The following COL22A1 variants were observed in gnomAD, a reference collection of about 807,000 sequenced individuals.
COL22A1 encodes the protein collagen alpha-1(XXII) chain.
COL22A1 carries 221 observed loss-of-function variants against 248.9 expected under a neutral mutation model. The observed-to-expected ratio is 0.89, with a 90% CI of 0.80 to 0.99. COL22A1 has a LOEUF of 0.99. COL22A1 is among the 50% of genes least tolerant of loss of function. The pLI is 0.00. For synonymous variants in COL22A1, 891 were observed against 793.4 expected (o/e 1.12, Z -2.07); for missense variants, 2,240 against 2,179.0 (o/e 1.03, Z -0.56).
At chr8:138,650,510 C>T (rs938877145) in intron 45 of COL22A1, among the ~76,000 whole-genome samples, 10 of 152,116 alleles carry the variant, frequency 6.6e-5, no homozygotes, top group African/African-American at 2.4e-4. Context: ...AAATAAAACT[C>T]ACCTAACTGT....
At chr8:138,749,764 C>T (rs891090211) in intron 22 of COL22A1, among the ~76,000 whole-genome samples, 8 of 152,198 alleles carry the variant, frequency 5.3e-5, no homozygotes, top group Admixed American at 3.9e-4. Context: ...TTCTGAAGCC[C>T]AGGATCCTTC....
chr8:138,673,465 T>A (rs916954068), intron 41 of COL22A1, among the ~76,000 whole-genome samples: 26 of 152,204 alleles, frequency 1.7e-4, no homozygotes, highest in African/African-American at 6.3e-4. Flanking sequence ...TGCCGCAGCC[T>A]CCCAAAGTGC....
chr8:138,685,576 G>A (rs1826285214), intron 37 of COL22A1, among the ~76,000 whole-genome samples: 1 of 152,136 alleles, frequency 6.6e-6, no homozygotes, highest in Admixed American at 6.5e-5. Context: ...GGTCATACTG[G>A]AGTGTGACCC....
intron 30 of COL22A1, among the ~76,000 whole-genome samples, chr8:138,713,058 C>A (rs944770840): frequency 3.3e-5 from 5 of 152,178 alleles, no homozygotes; most frequent in African/African-American, 4.8e-5. Context: ...GTTGAAAGCA[C>A]GTATTTTAGA....
rs11284610 is a variant in COL22A1 at position 138,796,389 on chromosome 8, C to CTTTTTTTTTTTTTTTTTTTTTTTTTTTTT, written c.1596+401_1596+429dup. On this transcript the variant is annotated intron_variant, in intron 12 of 64. Coordinates refer to ENST00000303045, the MANE Select transcript of COL22A1 (RefSeq NM_152888.3). ...TTTTTTTCTCTTGCTTGCTACTTTC[C>CTTTTTTTTTTTTTTTTTTTTTTTTTTTTT]TTTTTTTTTTTTTTTTTTTTTTTTT... Among the ~76,000 whole-genome samples the CTTTTTTTTTTTTTTTTTTTTTTTTTTTTT allele has an allele frequency of 1.5e-4, 4 of 26,308 alleles. 1 individual carries two copies. Among genetic ancestry groups the CTTTTTTTTTTTTTTTTTTTTTTTTTTTTT allele is most frequent in the Non-Finnish European group, 2.5e-4 (3 of 11,874 alleles). 17.3% of individuals were successfully genotyped at this position (26,308 alleles called of 152,430 possible).
At chr8:138,619,637 CT>C (rs1170830621) in intron 52 of COL22A1, 129 bp from the exon 53 acceptor site, 1 of 817,964 alleles carries the variant, frequency 1.2e-6, no homozygotes, top group African/African-American at 1.7e-5. Flanking sequence ...GCCCTTTCCC[CT>C]GGTGTCTTGG....
At chr8:138,617,021 G>A (rs779233266) in intron 53 of COL22A1, 63 bp from the exon 54 acceptor site, 7 of 1,577,618 alleles carry the variant, frequency 4.4e-6, no homozygotes, top group South Asian at 1.1e-5. Flanking sequence ...AAGTGGGCAG[G>A]CATACCTCCC....
At chr8:138,898,425 C>A (rs1334598754) in intron 1 of COL22A1, among the ~76,000 whole-genome samples, 1 of 145,812 alleles carries the variant, frequency 6.9e-6, no homozygotes, top group Non-Finnish European at 1.5e-5. Context: ...CGCCACCACT[C>A]CCCAAAAAAT....
chr8:138,619,579 G>A (rs140779142), intron 52 of COL22A1, 71 bp from the exon 53 acceptor site: 4 of 1,435,304 alleles, frequency 2.8e-6, no homozygotes, highest in South Asian at 1.1e-5. Context: ...GGCTCTCTGT[G>A]TTTCCTACCA....
chr8:138,623,922 C>A, intron 51 of COL22A1, 137 bp from the exon 52 acceptor site: 3 of 666,096 alleles, frequency 4.5e-6, no homozygotes, highest in South Asian at 1.9e-5. Flanking sequence ...AGTGTCTCAA[C>A]GGACAGAATT....
chr8:138,671,802 A>G (rs373918909), intron 41 of COL22A1, among the ~76,000 whole-genome samples: 62 of 152,338 alleles, frequency 4.1e-4, no homozygotes, highest in African/African-American at 1.5e-3. Flanking sequence ...AGCAAACAAC[A>G]CAAACTTACG....
At chr8:138,687,710 T>C (rs892377082) in intron 37 of COL22A1, among the ~76,000 whole-genome samples, 29 of 152,222 alleles carry the variant, frequency 1.9e-4, no homozygotes, top group African/African-American at 6.3e-4. Flanking sequence ...CTATGATCAA[T>C]GCGGCATCAC....
intron 3 of COL22A1, among the ~76,000 whole-genome samples, chr8:138,864,676 G>A (rs532856062): frequency 3.3e-5 from 5 of 152,264 alleles, no homozygotes; most frequent in Admixed American, 6.5e-5. Flanking sequence ...GGTTAGGGCC[G>A]ATCGGAGTGC....
intron 11 of COL22A1, among the ~76,000 whole-genome samples, chr8:138,800,561 G>A (rs924373773): frequency 2.6e-4 from 40 of 152,198 alleles, no homozygotes; most frequent in Non-Finnish European, 2.9e-5. Context: ...AAGCTAGTAG[G>A]TTGTGGAACC....
At chr8:138,729,074 T>G (rs899949452) in intron 23 of COL22A1, among the ~76,000 whole-genome samples, 3 of 152,134 alleles carry the variant, frequency 2.0e-5, no homozygotes, top group South Asian at 2.1e-4. Context: ...CCACCTGTGT[T>G]TCATACACCA....
At chr8:138,724,824 T>C (rs1830176126) in intron 24 of COL22A1, among the ~76,000 whole-genome samples, 156 bp from the exon 25 acceptor site, 2 of 152,238 alleles carry the variant, frequency 1.3e-5, no homozygotes, top group South Asian at 4.1e-4. Context: ...AACGCGGAGT[T>C]GTTGCACCTC....
At chr8:138,663,275 C>T (rs559572280) in intron 42 of COL22A1, among the ~76,000 whole-genome samples, 8 of 152,300 alleles carry the variant, frequency 5.3e-5, no homozygotes, top group African/African-American at 1.9e-4. Flanking sequence ...TGAAGTCAGT[C>T]CACCAGGTCT....
At position 138,685,258 on chromosome 8, in the gene COL22A1, C is replaced by A; in HGVS notation, c.2917G>T (p.Gly973Cys). The change falls in exon 38 of 65, where the codon GGT becomes TGT. Residue 973 changes from glycine (G) to cysteine (C), a missense_variant. Physicochemically the swap from Gly to Cys is radical, Grantham distance 159. Coordinates refer to ENST00000303045, the MANE Select transcript of COL22A1 (RefSeq NM_152888.3). The stretch of plus-strand genomic sequence containing the variant: ...GGTGGCCCAGGGAGCCCAGGAGCAC[C>A]AGGATCTCCCCTGGGACCAACTGGC... ...PGPVGPRGDP[G>C]APGLPGPPGK... 1 of 1,613,974 alleles carries A rather than the reference C, an allele frequency of 6.2e-7. No individual in the cohort carries two copies. The highest frequency in any genetic ancestry group is 8.5e-7 in the Non-Finnish European group (1 of 1,179,954).
At chr8:138,660,541 C>A (rs998458988) in intron 43 of COL22A1, 61 bp from the exon 44 acceptor site, 1 of 1,443,122 alleles carries the variant, frequency 6.9e-7, no homozygotes, top group African/African-American at 1.4e-5. Context: ...ACCCACTCTA[C>A]CCACACCCTC....
Sources: gnomAD v4.1 joint callset for allele counts (sites outside exome capture counted in the v4.1 genomes callset) on GRCh38, gnomAD v4.1.1 for gene constraint, MANE v1.5 for transcripts, NCBI Gene and HGNC (gene_info 2026-07-23, HGNC 2026-07-21) for gene names.